FRMD4A: variants seen among roughly 807,000 people sequenced by gnomAD.
FRMD4A encodes the protein FERM domain-containing protein 4A.
FRMD4A carries 29 observed loss-of-function variants against 129.1 expected under a neutral mutation model. The ratio of observed to expected loss-of-function variants is 0.22; its 90% CI spans 0.17 to 0.31. The LOEUF (loss-of-function observed/expected upper bound fraction) is 0.31, where lower values mean the gene tolerates loss of function less well. Ranked by LOEUF, FRMD4A falls within the 10% of genes least tolerant of loss-of-function variation. The pLI is 1.00. For missense variants in FRMD4A, 1,272 were observed against 1,375.8 expected (o/e 0.92, Z 1.19); for synonymous variants, 634 against 571.6 (o/e 1.11, Z -1.56).
At chr10:13,775,406 CT>C (rs887758361) in intron 6 of FRMD4A, among the ~76,000 whole-genome samples, 1 of 152,158 alleles carries the variant, frequency 6.6e-6, no homozygotes, top group African/African-American at 2.4e-5. Context: ...AGAGCAACGC[CT>C]TTGGTATTCT....
intron 6 of FRMD4A, among the ~76,000 whole-genome samples, chr10:13,768,215 C>G (rs1418437113): frequency 6.6e-6 from 1 of 152,148 alleles, no homozygotes; most frequent in Non-Finnish European, 1.5e-5. Context: ...CATTTATCAG[C>G]AACACCATGC....
At chr10:14,011,309 T>G (rs758286888) in intron 2 of FRMD4A, among the ~76,000 whole-genome samples, 19 of 151,714 alleles carry the variant, frequency 1.3e-4, no homozygotes, top group Non-Finnish European at 2.1e-4. Flanking sequence ...TCACCAGGAG[T>G]TGGGCACAGG....
chr10:13,731,889 G>A (rs1479830339), intron 12 of FRMD4A, among the ~76,000 whole-genome samples: 1 of 151,972 alleles, frequency 6.6e-6, no homozygotes, highest in Non-Finnish European at 1.5e-5. Flanking sequence ...GAAGTTCAAC[G>A]TCTCTGAACT....
Position 13,840,885 on chromosome 10 carries a change from G to A in FRMD4A, c.111+17962C>T, listed in dbSNP as rs2093954046. The stretch of plus-strand genomic sequence containing the variant: ...GCACTTTGGGAGGCCAAGGTGGGAG[G>A]ATCACTTGAGCCAGGAGTTCGACAC... On this transcript the variant is annotated intron_variant, in intron 3 of 24. Transcript: ENST00000357447. Among the ~76,000 whole-genome samples the A allele has an allele frequency of 3.3e-5, 5 of 151,564 alleles. No individual in the cohort carries two copies. In the South Asian group the frequency reaches 1.0e-3, roughly 32 times the overall value.
chr10:14,080,280 C>T (rs1835852681), intron 2 of FRMD4A, among the ~76,000 whole-genome samples: 1 of 152,192 alleles, frequency 6.6e-6, no homozygotes. Context: ...AGCCCATTCC[C>T]TGCCCCTCTT....
chr10:14,040,588 G>A (rs1833740572), intron 2 of FRMD4A, among the ~76,000 whole-genome samples: 1 of 152,220 alleles, frequency 6.6e-6, no homozygotes, highest in African/African-American at 2.4e-5. Flanking sequence ...ACAGGCCCCA[G>A]GGACTTTGGC....
At chr10:14,326,974 T>C in intron 2 of FRMD4A, 1 of 398,670 alleles carries the variant, frequency 2.5e-6, no homozygotes, top group Non-Finnish European at 4.4e-6. Flanking sequence ...GTCATATGAG[T>C]GGCTCTGTCC....
intron 2 of FRMD4A, chr10:14,326,030 T>G (rs1214698573): frequency 2.0e-5 from 3 of 152,242 alleles, no homozygotes; most frequent in Non-Finnish European, 4.4e-5. Flanking sequence ...ATACATTTAA[T>G]TTTTTATGTT....
chr10:13,662,552 G>A (rs911697924), intron 19 of FRMD4A, among the ~76,000 whole-genome samples: 13 of 152,162 alleles, frequency 8.5e-5, no homozygotes, highest in African/African-American at 3.1e-4. Flanking sequence ...ATGGTTCTGG[G>A]TTTGGAATTC....
chr10:14,177,843 G>A (rs1241862803), intron 2 of FRMD4A, among the ~76,000 whole-genome samples: 2 of 152,158 alleles, frequency 1.3e-5, no homozygotes, highest in African/African-American at 4.8e-5. Flanking sequence ...TTAGCCCCTG[G>A]AGCCTGGGGT....
intron 2 of FRMD4A, among the ~76,000 whole-genome samples, chr10:14,063,177 G>GT (rs1381331463): frequency 1.6e-4 from 2 of 12,178 alleles, no homozygotes; most frequent in Non-Finnish European, 7.3e-4. Context: ...GAATAAATCT[G>GT]CTTTTTTTTT....
intron 2 of FRMD4A, among the ~76,000 whole-genome samples, chr10:14,149,004 A>C (rs1001791032): frequency 3.9e-5 from 6 of 152,306 alleles, no homozygotes; most frequent in South Asian, 2.1e-4. Flanking sequence ...CACTGAAAAC[A>C]AACCTAATTT....
chr10:14,086,258 A>T (rs1836269755), intron 2 of FRMD4A, among the ~76,000 whole-genome samples: 1 of 152,220 alleles, frequency 6.6e-6, no homozygotes, highest in South Asian at 2.1e-4. Flanking sequence ...TAATAAAAAA[A>T]ATCTTTCAAA....
At chr10:14,183,550 T>C (rs1015977372) in intron 2 of FRMD4A, among the ~76,000 whole-genome samples, 9 of 151,716 alleles carry the variant, frequency 5.9e-5, no homozygotes, top group African/African-American at 2.2e-4. Flanking sequence ...AAATCACTCC[T>C]GTGTCTTAAA....
intron 2 of FRMD4A, among the ~76,000 whole-genome samples, chr10:14,289,768 A>G (rs2132073341): frequency 6.6e-6 from 1 of 152,202 alleles, no homozygotes; most frequent in Middle Eastern, 3.4e-3. Flanking sequence ...GTAATTAGGT[A>G]AGCAAAAGAA....
intron 2 of FRMD4A, among the ~76,000 whole-genome samples, chr10:14,251,403 G>A (rs570142995): frequency 9.1e-4 from 138 of 152,262 alleles, no homozygotes; most frequent in Non-Finnish European, 1.6e-3. Flanking sequence ...ACAATGACAA[G>A]AATGATCTTG....
chr10:14,036,197 C>T (rs576025745), intron 2 of FRMD4A, among the ~76,000 whole-genome samples: 3 of 152,360 alleles, frequency 2.0e-5, no homozygotes, highest in South Asian at 2.1e-4. Flanking sequence ...CAATTGCACA[C>T]TTCTGGTGGT....
chr10:13,853,883 G>T (rs183941709), intron 3 of FRMD4A, among the ~76,000 whole-genome samples: 22 of 150,264 alleles, frequency 1.5e-4, no homozygotes, highest in Non-Finnish European at 3.0e-4. Context: ...GAAGAAATTC[G>T]GCCAACCATT....
At chr10:13,889,756 A>T (rs2094672874) in intron 2 of FRMD4A, among the ~76,000 whole-genome samples, 1 of 152,248 alleles carries the variant, frequency 6.6e-6, no homozygotes, top group Admixed American at 6.5e-5. Flanking sequence ...TGAAAGAATA[A>T]GAATTTAATT....
Sources: allele counts gnomAD v4.1 joint callset (sites outside exome capture counted in the v4.1 genomes callset), GRCh38; gene constraint gnomAD v4.1.1; transcripts MANE v1.5; gene names NCBI Gene and HGNC (gene_info 2026-07-23, HGNC 2026-07-21).